DDX23: variants seen among roughly 807,000 people sequenced by gnomAD.
DDX23 encodes DEAD-box helicase 23, also known as probable ATP-dependent RNA helicase DDX23.
A neutral mutation model predicts 102.7 loss-of-function variants in DDX23; 33 were observed. That is an observed-to-expected ratio of 0.32 (90% CI 0.24 to 0.43). The LOEUF is 0.43. Ranked by LOEUF, DDX23 falls within the 20% of genes least tolerant of loss-of-function variation. The probability of loss-of-function intolerance (pLI) is 1.00; values close to 1 mark genes in which losing one functional copy is unlikely to be tolerated. For synonymous variants in DDX23, 352 were observed against 376.0 expected, an observed-to-expected ratio of 0.94 and a Z score of 0.74; for missense variants, 549 against 1,086.6, an observed-to-expected ratio of 0.51 and a Z score of 6.96.
chr12:48,844,170 A>C (rs759972658), intron 2 of DDX23, 120 bp from the exon 3 acceptor site: 1 of 906,906 alleles, frequency 1.1e-6, no homozygotes, highest in Non-Finnish European at 1.8e-6. Flanking sequence ...TAGAGAATGT[A>C]TCTCTCACGG....
chr12:48,837,672 A>G lies in DDX23; in HGVS notation c.620-15T>C, dbSNP rs373999349. The stretch of plus-strand genomic sequence containing the variant: ...CTGAGGATCTTCTGCAGACCAAAGA[A>G]AGCAAAGCTGCAGAAGAGCTCATGG... On this transcript the variant is annotated splice_polypyrimidine_tract_variant and intron_variant, in intron 6 of 16. Transcript: ENST00000308025. 4 of 1,613,952 alleles carry G rather than the reference A, an allele frequency of 2.5e-6. No homozygotes were observed. Among genetic ancestry groups the G allele is most frequent in the Non-Finnish European group, 3.4e-6 (4 of 1,179,988 alleles).
Position 48,832,046 on chromosome 12 carries a change from G to A in DDX23, c.2064+32C>T. 1 of 1,600,820 alleles carries A rather than the reference G, an allele frequency of 6.2e-7. No homozygotes were observed. Among genetic ancestry groups the A allele is most frequent in the Non-Finnish European group, 8.6e-7 (1 of 1,168,520 alleles). ...TAGATTCAGAAAGCAGTGCCACAGA[G>A]GCTAGACTTTGTTCTCCCCTGCCAG... On this transcript the variant is annotated intron_variant, in intron 15 of 16. Coordinates refer to ENST00000308025, the MANE Select transcript of DDX23 (RefSeq NM_004818.3). The surrounding 1 kb of genome is among the most constrained non-coding windows in gnomAD (Gnocchi z 4.4).
chr12:48,840,807 C>G (rs1370898775), intron 3 of DDX23, among the ~76,000 whole-genome samples: 1 of 151,528 alleles, frequency 6.6e-6, no homozygotes, highest in Non-Finnish European at 1.5e-5. Flanking sequence ...TCCACCTCGG[C>G]CACCCAAAGT....
chr12:48,849,667 A>G (rs1234571597), intron 1 of DDX23, among the ~76,000 whole-genome samples: 4 of 148,394 alleles, frequency 2.7e-5, no homozygotes, highest in Non-Finnish European at 6.0e-5. Flanking sequence ...TCTCGAGAGA[A>G]AAAAAAAAAA....
At chr12:48,835,551 T>C (rs1251438377) in intron 11 of DDX23, among the ~76,000 whole-genome samples, 1 of 151,206 alleles carries the variant, frequency 6.6e-6, no homozygotes, top group African/African-American at 2.4e-5. Flanking sequence ...CTACTAAAAA[T>C]ACAAAAAAAT....
At chr12:48,851,006 C>A (rs1173069557) in intron 1 of DDX23, among the ~76,000 whole-genome samples, 1 of 152,208 alleles carries the variant, frequency 6.6e-6, no homozygotes, top group Non-Finnish European at 1.5e-5. Context: ...TTCCCAGCAG[C>A]CTTCCTCTCA....
chr12:48,845,719 G>A lies in DDX23; in HGVS notation c.64C>T (p.Arg22Ter). The change falls in exon 2 of 17, where the codon CGA (arginine) becomes TGA (stop). Residue 22 changes from arginine to a stop codon, truncating the protein, a stop_gained. Transcript: ENST00000308025. LOFTEE classifies it high-confidence loss of function. ...DASPSKEERK[R>*]SRTPDRERDR... ...CGCTCTCTGTCAGGAGTCCGTGATCGCTTCCTTTCCTCCTTGGAAGGTGAT... is the reference window on the plus strand; with the variant it reads ...CGCTCTCTGTCAGGAGTCCGTGATCACTTCCTTTCCTCCTTGGAAGGTGAT... The A allele has an allele frequency of 1.2e-6, 2 of 1,614,142 alleles. No individual in the cohort carries two copies. The highest frequency in any genetic ancestry group is 1.7e-6 in the Non-Finnish European group (2 of 1,180,024).
At chr12:48,847,550 C>T (rs925979593) in intron 1 of DDX23, among the ~76,000 whole-genome samples, 1 of 151,828 alleles carries the variant, frequency 6.6e-6, no homozygotes, top group African/African-American at 2.4e-5. Context: ...TATGTCTTGA[C>T]TGGGTGTGGT....
At chr12:48,840,150 G>T (rs1938527142) in intron 3 of DDX23, 44 bp from the exon 4 acceptor site, 2 of 1,483,666 alleles carry the variant, frequency 1.3e-6, no homozygotes, top group Admixed American at 1.7e-5. Flanking sequence ...TTACTTCAGT[G>T]CCTGGATGAG....
chr12:48,831,343 G>C (rs781246824), intron 15 of DDX23, 27 bp from the exon 16 acceptor site: 9 of 1,612,394 alleles, frequency 5.6e-6, no homozygotes, highest in Non-Finnish European at 7.6e-6. Flanking sequence ...GAAGTGAAGA[G>C]TGAGCAATGC....
In DDX23 at chr12:48,831,070, CCTGA is replaced by C. The variant is rs1938379053; in HGVS notation, c.2239+68_2239+71del. On this transcript the variant is annotated intron_variant, in intron 16 of 16. Coordinates refer to ENST00000308025, the MANE Select transcript of DDX23 (RefSeq NM_004818.3). ...AGTAACAGCCTTCCATGGACAGCAC[CCTGA>C]CTTCCAGTGGGACACCATAAGGAAT... 2.6e-6 allele frequency: 4 copies of C among 1,566,000 alleles called. No individual in the cohort carries two copies. In the South Asian group the frequency reaches 4.6e-5, roughly 18 times the overall value.
Position 48,837,397 on chromosome 12 carries a change from C to A in DDX23, c.754-4G>T, listed in dbSNP as rs757855432. On this transcript the variant is annotated splice_polypyrimidine_tract_variant and splice_region_variant and intron_variant, in intron 7 of 16. Transcript: ENST00000308025. ...TGATGCCACCCAGGTAACGCTCCTACCCAGGGACAGAACACAAAGCACATG... is the reference window on the plus strand; with the variant it reads ...TGATGCCACCCAGGTAACGCTCCTAACCAGGGACAGAACACAAAGCACATG... 7.4e-6 allele frequency: 12 copies of A among 1,614,118 alleles called. No homozygotes were observed. In the East Asian group the frequency reaches 2.7e-4, roughly 36 times the overall value.
At chr12:48,831,819 A>G in intron 15 of DDX23, 1 of 549,014 alleles carries the variant, frequency 1.8e-6, no homozygotes, top group African/African-American at 1.9e-5. Flanking sequence ...ATGGGTCTCA[A>G]ACCTTTCCCT....
Position 48,832,427 on chromosome 12 carries a change from TTC to T in DDX23, c.1948_1949del (p.Glu650LysfsTer14). The part of the protein sequence containing the change: ...EQKVFLMSES[E>X]KRKKLLAILE... ...TGGCTCAGCTGCCCTCATACCTCTTTTCTGACTCTGACATGAGGAAGACCTTC... is the reference window on the plus strand; with the variant it reads ...TGGCTCAGCTGCCCTCATACCTCTTTTGACTCTGACATGAGGAAGACCTTC... On this transcript the variant is annotated frameshift_variant, in exon 14 of 17. Transcript: ENST00000308025. This position sits in a 1 kb window ranked among gnomAD's most constrained non-coding sequence, Gnocchi z 4.4. The T allele has an allele frequency of 6.2e-7, 1 of 1,613,094 alleles. No individual in the cohort carries two copies. Among genetic ancestry groups the T allele is most frequent in the Non-Finnish European group, 8.5e-7 (1 of 1,179,160 alleles).
rs181008424 is a variant in DDX23, at chr12:48,843,698, G to A, written c.320+242C>T. Among the ~76,000 whole-genome samples, 5 of 151,714 alleles carry A rather than the reference G, an allele frequency of 3.3e-5. No individual in the cohort carries two copies. The East Asian group carries it at 9.8e-4, about 30-fold the overall frequency. Reference sequence around the variant, plus strand: ...TGAGTAGCTGGGACTACAGGCACCCGCCACCACGCCCGGCTAATTTTTTGT... The same window carrying A: ...TGAGTAGCTGGGACTACAGGCACCCACCACCACGCCCGGCTAATTTTTTGT... On this transcript the variant is annotated intron_variant, in intron 3 of 16. Coordinates refer to ENST00000308025, the MANE Select transcript of DDX23 (RefSeq NM_004818.3).
rs368629594 is a variant in DDX23 at position 48,842,179 on chromosome 12, G to T, written c.320+1761C>A. Among the ~76,000 whole-genome samples the T allele has an allele frequency of 2.3e-4, 23 of 100,868 alleles. No homozygotes were observed. The East Asian group carries it at 5.7e-3, about 25-fold the overall frequency. 66.2% of individuals were successfully genotyped at this position (100,868 alleles called of 152,430 possible). A position where few individuals can be genotyped will look rare whatever the true frequency, so the allele number is the denominator to read the frequency against. On this transcript the variant is annotated intron_variant, in intron 3 of 16. Coordinates refer to ENST00000308025, the MANE Select transcript of DDX23 (RefSeq NM_004818.3). ...ACCCCGTCCGGGAGGGAGGTGGGGG[G>T]GGTTAGCTCCCCACCCGGCCAGCCG...
In DDX23 at chr12:48,836,549, G is replaced by A. The variant is rs1166404097; in HGVS notation, c.1236+20C>T. The A allele has an allele frequency of 1.9e-6, 3 of 1,605,982 alleles. No homozygotes were observed. The highest frequency in any genetic ancestry group is 1.1e-5 in the South Asian group (1 of 90,834). On this transcript the variant is annotated intron_variant, in intron 10 of 16. Transcript: ENST00000308025. The surrounding 1 kb of genome is among the most constrained non-coding windows in gnomAD (Gnocchi z 6.1). The stretch of plus-strand genomic sequence containing the variant: ...TGTAGGAACATGTCAGATCTCTTGG[G>A]CCAATCTATCCCTCCTTACCTTGTA...
intron 3 of DDX23, among the ~76,000 whole-genome samples, chr12:48,842,649 C>T (rs1938584706): frequency 6.6e-6 from 1 of 150,922 alleles, no homozygotes; most frequent in African/African-American, 2.4e-5. Flanking sequence ...TCTGCCCGGC[C>T]AGCCGCCCCG....
chr12:48,843,399 A>G (rs1938603939), intron 3 of DDX23, among the ~76,000 whole-genome samples: 1 of 151,788 alleles, frequency 6.6e-6, no homozygotes, highest in African/African-American at 2.4e-5. Flanking sequence ...GGGGGAGTCA[A>G]GGCTGCAGTA....
Sources: allele counts gnomAD v4.1 joint callset (sites outside exome capture counted in the v4.1 genomes callset), GRCh38; gene constraint gnomAD v4.1.1; non-coding constraint Gnocchi (gnomAD v3.1); transcripts MANE v1.5; gene names NCBI Gene and HGNC (gene_info 2026-07-23, HGNC 2026-07-21).